The following ATRNL1 variants were observed in gnomAD, a reference collection of about 807,000 sequenced individuals.
ATRNL1 encodes attractin-like protein 1.
A neutral mutation model predicts 182.7 loss-of-function variants in ATRNL1; 95 were observed. The ratio of observed to expected loss-of-function variants is 0.52; its 90% CI spans 0.44 to 0.62. ATRNL1 has a LOEUF of 0.62. ATRNL1 is among the 20% of genes least tolerant of loss of function. ATRNL1 has a pLI of 0.00. For synonymous variants in ATRNL1, 576 were observed against 568.3 expected (o/e 1.01, Z -0.19); for missense variants, 1,471 against 1,679.5 (o/e 0.88, Z 2.17).
chr10:115,316,702 A>G (rs1210609760), intron 18 of ATRNL1, among the ~76,000 whole-genome samples: 1 of 152,112 alleles, frequency 6.6e-6, no homozygotes, highest in African/African-American at 2.4e-5. Context: ...TTGGCTGTGT[A>G]AATGTCTTCT....
In ATRNL1 at chr10:115,389,534, G is replaced by GTATGTATATATATATATA. The variant is rs1564989559; in HGVS notation, c.3176-5120_3176-5119insATATATATATATATATGT. Among the ~76,000 whole-genome samples, 23 of 57,562 alleles carry GTATGTATATATATATATA rather than the reference G, an allele frequency of 4.0e-4. 1 individual carries two copies. Among genetic ancestry groups the GTATGTATATATATATATA allele is most frequent in the Non-Finnish European group, 7.0e-4 (21 of 29,798 alleles). 37.8% of individuals were successfully genotyped at this position (57,562 alleles called of 152,430 possible). ...AAAAAGCTGAATAGTATTCAAATGT[G>GTATGTATATATATATATA]TATGTGTATATATATATATATATAT... On this transcript the variant is annotated intron_variant, in intron 19 of 28. Transcript: ENST00000355044.
At chr10:115,137,680 A>C (rs1374597473) in intron 5 of ATRNL1, among the ~76,000 whole-genome samples, 2 of 152,162 alleles carry the variant, frequency 1.3e-5, no homozygotes, top group Admixed American at 1.3e-4. Context: ...ACCTGCCCCC[A>C]TGATTCAGTT....
intron 13 of ATRNL1, among the ~76,000 whole-genome samples, chr10:115,272,670 G>A (rs1323471894): frequency 6.6e-6 from 1 of 152,094 alleles, no homozygotes; most frequent in African/African-American, 2.4e-5. Flanking sequence ...ACCATATATT[G>A]GATGCTGACT....
At chr10:115,738,927 C>T (rs1277967626) in intron 27 of ATRNL1, among the ~76,000 whole-genome samples, 3 of 152,022 alleles carry the variant, frequency 2.0e-5, no homozygotes, top group African/African-American at 7.2e-5. Flanking sequence ...TATCATCTTT[C>T]ATTCAGAATT....
intron 21 of ATRNL1, among the ~76,000 whole-genome samples, chr10:115,433,794 AT>A (rs1846273396): frequency 6.6e-6 from 1 of 152,190 alleles, no homozygotes; most frequent in Admixed American, 6.6e-5. Context: ...TGACTTATAT[AT>A]TTTACAATAA....
At chr10:115,341,898 A>G (rs985829032) in intron 19 of ATRNL1, among the ~76,000 whole-genome samples, 2 of 151,934 alleles carry the variant, frequency 1.3e-5, no homozygotes, top group Admixed American at 6.6e-5. Context: ...CATAGGCTAC[A>G]TGTGTCTTTA....
At chr10:115,306,624 A>T (rs1245591777) in intron 17 of ATRNL1, among the ~76,000 whole-genome samples, 1 of 152,100 alleles carries the variant, frequency 6.6e-6, no homozygotes, top group African/African-American at 2.4e-5. Flanking sequence ...ATCTGCTAAA[A>T]ATGTTGTGTA....
chr10:115,717,758 G>T (rs918671244), intron 26 of ATRNL1, among the ~76,000 whole-genome samples: 8 of 151,818 alleles, frequency 5.3e-5, no homozygotes, highest in South Asian at 2.1e-4. Flanking sequence ...CACCATGTCA[G>T]TTGGCCAGTA....
chr10:115,425,199 A>G (rs781904062), intron 20 of ATRNL1, among the ~76,000 whole-genome samples: 33 of 151,920 alleles, frequency 2.2e-4, no homozygotes, highest in Non-Finnish European at 2.9e-4. Context: ...TTCATTATAT[A>G]TATGTATTCT....
At chr10:115,430,216 T>A (rs1846090874) in intron 21 of ATRNL1, among the ~76,000 whole-genome samples, 1 of 152,150 alleles carries the variant, frequency 6.6e-6, no homozygotes, top group Non-Finnish European at 1.5e-5. Context: ...TCAACAAAAA[T>A]TTTTGGGTCT....
chr10:115,547,390 A>G (rs1448679982), intron 25 of ATRNL1, among the ~76,000 whole-genome samples: 1 of 152,000 alleles, frequency 6.6e-6, no homozygotes, highest in Non-Finnish European at 1.5e-5. Context: ...GATCACTATC[A>G]GAGCTGTACT....
chr10:115,234,716 G>A (rs140095132), intron 9 of ATRNL1, among the ~76,000 whole-genome samples: 1 of 150,612 alleles, frequency 6.6e-6, no homozygotes, highest in East Asian at 2.0e-4. Flanking sequence ...TTAGACTCCC[G>A]AGTCACTGGG....
chr10:115,304,460 G>A (rs1234395630), intron 17 of ATRNL1, among the ~76,000 whole-genome samples: 4 of 152,170 alleles, frequency 2.6e-5, no homozygotes, highest in African/African-American at 4.8e-5. Flanking sequence ...ACGGACACAC[G>A]TGGAGTGGTT....
chr10:115,318,466 T>C (rs150867169), intron 18 of ATRNL1, among the ~76,000 whole-genome samples: 1,964 of 152,210 alleles, frequency 0.013, 38 homozygotes, highest in African/African-American at 0.044. Context: ...AGGAATGGTA[T>C]TAGGTCATCT....
chr10:115,311,045 A>G (rs1477499799), intron 17 of ATRNL1, among the ~76,000 whole-genome samples: 1 of 151,104 alleles, frequency 6.6e-6, no homozygotes. Flanking sequence ...AAAACTTTCC[A>G]TCTTGATTTA....
intron 1 of ATRNL1, chr10:115,096,506 A>T: frequency 2.4e-6 from 1 of 423,584 alleles, no homozygotes; most frequent in Non-Finnish European, 4.2e-6. Context: ...CACTTCACTA[A>T]CTATCTTGAA....
chr10:115,673,500 A>T (rs2133933514), intron 26 of ATRNL1, among the ~76,000 whole-genome samples: 1 of 152,114 alleles, frequency 6.6e-6, no homozygotes, highest in South Asian at 2.1e-4. Context: ...AAACAGTGGT[A>T]TCTCCATTGG....
At chr10:115,760,367 G>A (rs1016993513) in intron 27 of ATRNL1, among the ~76,000 whole-genome samples, 2 of 151,884 alleles carry the variant, frequency 1.3e-5, no homozygotes, top group Admixed American at 1.3e-4. Flanking sequence ...GACAGCAGAT[G>A]AATGAAAAAT....
intron 3 of ATRNL1, among the ~76,000 whole-genome samples, chr10:115,123,032 C>G (rs1554872229): frequency 6.6e-6 from 1 of 152,078 alleles, no homozygotes; most frequent in Admixed American, 6.6e-5. Flanking sequence ...ATTTGTTTGT[C>G]TAGTAATTCT....
Sources: allele counts gnomAD v4.1 joint callset (sites outside exome capture counted in the v4.1 genomes callset), GRCh38; gene constraint gnomAD v4.1.1; transcripts MANE v1.5; gene names NCBI Gene and HGNC (gene_info 2026-07-23, HGNC 2026-07-21).